The following POU2F3 variants were observed in gnomAD, a reference collection of about 807,000 sequenced individuals.
POU2F3 encodes the protein POU domain, class 2, transcription factor 3.
In POU2F3, 23 loss-of-function variants were observed where a neutral mutation model predicts 59.2. That is an observed-to-expected ratio of 0.39 (90% CI 0.28 to 0.55). POU2F3 has a LOEUF of 0.55. Among genes scored for constraint, POU2F3 ranks in the 20% least tolerant of loss-of-function variants. The probability of loss-of-function intolerance (pLI) is 0.66; values close to 1 mark genes in which losing one functional copy is unlikely to be tolerated. For missense variants in POU2F3, 473 were observed against 544.5 expected, an observed-to-expected ratio of 0.87 and a Z score of 1.31; for synonymous variants, 190 against 214.6, an observed-to-expected ratio of 0.89 and a Z score of 1.00.
At chr11:120,236,811 C>T (rs991570372), upstream of POU2F3, 17 of 1,181,386 alleles carry the variant, frequency 1.4e-5, no homozygotes, top group South Asian at 6.6e-5. Flanking sequence ...TCCCCCTCAA[C>T]CCTATACACA....
At chr11:120,304,781 C>T (rs1941438234) in intron 6 of POU2F3, among the ~76,000 whole-genome samples, 1 of 151,916 alleles carries the variant, frequency 6.6e-6, no homozygotes, top group Admixed American at 6.6e-5. Context: ...CAGGCCACCT[C>T]CCTATCCTGC....
chr11:120,273,213 C>G (rs1303698239), intron 3 of POU2F3, among the ~76,000 whole-genome samples: 2 of 152,182 alleles, frequency 1.3e-5, no homozygotes, highest in Non-Finnish European at 2.9e-5. Context: ...AACAGAAGGA[C>G]CCAGTAGGCT....
At chr11:120,305,596 AG>A in intron 7 of POU2F3, 47 bp from the exon 8 acceptor site, 6 of 1,603,002 alleles carry the variant, frequency 3.7e-6, no homozygotes, top group Non-Finnish European at 5.1e-6. Context: ...GGCAAACAAG[AG>A]GAGGAGGCTG....
intron 3 of POU2F3, among the ~76,000 whole-genome samples, chr11:120,294,911 TA>T: frequency 6.6e-6 from 1 of 151,736 alleles, no homozygotes; most frequent in African/African-American, 2.4e-5. Context: ...TTATGAAAAA[TA>T]AAAGATTCCA....
intron 5 of POU2F3, among the ~76,000 whole-genome samples, chr11:120,300,185 G>T (rs1941307440): frequency 6.6e-6 from 1 of 152,170 alleles, no homozygotes; most frequent in Non-Finnish European, 1.5e-5. Flanking sequence ...AGGGTGTTCA[G>T]GTTTTCTTTG....
upstream of POU2F3, chr11:120,236,751 A>T (rs1462076436): frequency 1.2e-5 from 17 of 1,424,006 alleles, no homozygotes; most frequent in Non-Finnish European, 1.6e-5. Flanking sequence ...ATCTAACTGA[A>T]ATGATCAGTG....
chr11:120,275,746 T>G (rs1418386004), intron 3 of POU2F3, among the ~76,000 whole-genome samples: 1 of 152,182 alleles, frequency 6.6e-6, no homozygotes, highest in Non-Finnish European at 1.5e-5. Context: ...AGCCCCACAC[T>G]TGGCAGCATT....
intron 3 of POU2F3, among the ~76,000 whole-genome samples, chr11:120,289,786 C>T (rs542699125): frequency 1.3e-5 from 2 of 152,326 alleles, no homozygotes; most frequent in Non-Finnish European, 2.9e-5. Context: ...TTCTTCATCT[C>T]ATTCCCTTTT....
rs1428006995 is a variant in POU2F3, at chr11:120,318,564, T to A, written c.*172T>A. The A allele has an allele frequency of 1.5e-6, 1 of 649,358 alleles. No individual in the cohort carries two copies. The highest frequency in any genetic ancestry group is 2.7e-6 in the Non-Finnish European group (1 of 375,576). 40.2% of individuals were successfully genotyped at this position (649,358 alleles called of 1,614,324 possible). ...AGCAAGGGCCTCCGGAGATCCAAAC[T>A]GTGATTGAACCAAGTGCAGACTCCT... is the stretch of plus-strand genomic sequence containing the variant. On this transcript the variant is annotated 3_prime_UTR_variant, in exon 13 of 13. Coordinates refer to ENST00000543440, the MANE Select transcript of POU2F3 (RefSeq NM_014352.4).
chr11:120,299,145 C>A (rs1463670464), intron 4 of POU2F3, among the ~76,000 whole-genome samples: 1 of 152,146 alleles, frequency 6.6e-6, no homozygotes, highest in Non-Finnish European at 1.5e-5. Context: ...GTTTGCTCCA[C>A]CCCCCAACTC....
intron 10 of POU2F3, among the ~76,000 whole-genome samples, chr11:120,315,012 C>T (rs1941745441): frequency 6.6e-6 from 1 of 152,250 alleles, no homozygotes; most frequent in Non-Finnish European, 1.5e-5. Flanking sequence ...GTATCTGCCA[C>T]AGCAGGGCCC....
intron 3 of POU2F3, among the ~76,000 whole-genome samples, chr11:120,291,967 C>A (rs1398594073): frequency 6.6e-6 from 1 of 152,076 alleles, no homozygotes; most frequent in Non-Finnish European, 1.5e-5. Flanking sequence ...CGCCACCACA[C>A]CTGGCTAATG....
chr11:120,302,183 C>T, intron 5 of POU2F3, 103 bp from the exon 6 acceptor site: 2 of 959,960 alleles, frequency 2.1e-6, no homozygotes, highest in Non-Finnish European at 3.2e-6. Context: ...GATCAGGTGG[C>T]AGGGGGTGGG....
intron 2 of POU2F3, among the ~76,000 whole-genome samples, chr11:120,266,504 G>A (rs539253386): frequency 2.0e-5 from 3 of 152,030 alleles, no homozygotes; most frequent in South Asian, 4.2e-4. Flanking sequence ...TCTTTATCAC[G>A]ACCCAACCAG....
At chr11:120,273,430 A>C (rs1488719638) in intron 3 of POU2F3, among the ~76,000 whole-genome samples, 1 of 152,172 alleles carries the variant, frequency 6.6e-6, no homozygotes, top group East Asian at 1.9e-4. Flanking sequence ...TGACTAGCAG[A>C]GAGGGTTGGC....
At chr11:120,253,974 A>G (rs1372806881) in intron 2 of POU2F3, 1 of 152,142 alleles carries the variant, frequency 6.6e-6, no homozygotes, top group Non-Finnish European at 1.5e-5. Context: ...CATGACACCC[A>G]CCTACCCTGC....
chr11:120,317,044 C>G (rs1178538637), intron 11 of POU2F3, 185 bp from the exon 12 acceptor site: 1 of 653,704 alleles, frequency 1.5e-6, no homozygotes, highest in Non-Finnish European at 2.7e-6. Context: ...GTGACGACAG[C>G]CCCTCTGGGT....
chr11:120,292,359 A>G (rs1591425526), intron 3 of POU2F3, among the ~76,000 whole-genome samples: 2 of 151,934 alleles, frequency 1.3e-5, no homozygotes, highest in African/African-American at 4.8e-5. Context: ...TAAAAAACAA[A>G]AAAAACAAAA....
At chr11:120,266,192 C>G (rs989180836) in intron 2 of POU2F3, among the ~76,000 whole-genome samples, 4 of 152,198 alleles carry the variant, frequency 2.6e-5, no homozygotes, top group Non-Finnish European at 5.9e-5. Context: ...CACAGCTTCA[C>G]CGAGGAAGCC....
Sources: gnomAD v4.1 joint callset for allele counts (sites outside exome capture counted in the v4.1 genomes callset) on GRCh38, gnomAD v4.1.1 for gene constraint, MANE v1.5 for transcripts, NCBI Gene and HGNC (gene_info 2026-07-23, HGNC 2026-07-21) for gene names.